TRIO: variants seen among roughly 807,000 people sequenced by gnomAD.
TRIO encodes the protein trio Rho guanine nucleotide exchange factor, also known as triple functional domain protein.
In TRIO, 58 loss-of-function variants were observed where a neutral mutation model predicts 351.9. The ratio of observed to expected loss-of-function variants is 0.16; its 90% CI spans 0.13 to 0.21. The LOEUF is 0.21. Among genes scored for constraint, TRIO ranks in the 10% least tolerant of loss-of-function variants. The pLI, the probability that TRIO is intolerant of heterozygous loss-of-function variation, is 1.00. For synonymous variants in TRIO, 1,758 were observed against 1,595.7 expected, an observed-to-expected ratio of 1.10 and a Z score of -2.42; for missense variants, 3,201 against 4,027.8, an observed-to-expected ratio of 0.79 and a Z score of 5.56.
intron 1 of TRIO, among the ~76,000 whole-genome samples, chr5:14,196,027 A>G (rs1790748777): frequency 6.6e-6 from 1 of 152,086 alleles, no homozygotes; most frequent in Admixed American, 6.6e-5. Flanking sequence ...GGGTTGTGGG[A>G]TTACTGGTTA....
intron 13 of TRIO, among the ~76,000 whole-genome samples, chr5:14,360,791 C>T (rs184244110): frequency 9.8e-5 from 15 of 152,368 alleles, no homozygotes; most frequent in African/African-American, 3.1e-4. Flanking sequence ...TTGTCTAAGT[C>T]TCCGGCACTG....
intron 1 of TRIO, among the ~76,000 whole-genome samples, chr5:14,184,378 T>A (rs1403273853): frequency 6.6e-6 from 1 of 152,218 alleles, no homozygotes; most frequent in Non-Finnish European, 1.5e-5. Flanking sequence ...AGCCATGGGA[T>A]CACAGCTTCC....
At chr5:14,301,503 A>T (rs1348418850) in intron 7 of TRIO, among the ~76,000 whole-genome samples, 1 of 151,960 alleles carries the variant, frequency 6.6e-6, no homozygotes, top group African/African-American at 2.4e-5. Flanking sequence ...CTCATCTCCT[A>T]AGTGTCAGGC....
intron 25 of TRIO, 135 bp from the exon 26 acceptor site, chr5:14,390,096 A>G (rs977994140): frequency 2.7e-6 from 2 of 736,350 alleles, no homozygotes; most frequent in South Asian, 1.9e-5. Context: ...GAAAGTCACA[A>G]TAACTTACCC....
chr5:14,331,852 G>A (rs1740931442), intron 10 of TRIO, among the ~76,000 whole-genome samples: 1 of 152,172 alleles, frequency 6.6e-6, no homozygotes, highest in Admixed American at 6.5e-5. Flanking sequence ...ATGAATCCAT[G>A]CTAATTGATG....
At chr5:14,234,769 T>C (rs1793668790) in intron 1 of TRIO, among the ~76,000 whole-genome samples, 1 of 152,214 alleles carries the variant, frequency 6.6e-6, no homozygotes, top group African/African-American at 2.4e-5. Flanking sequence ...AATTGCCACG[T>C]CAGATCATTT....
chr5:14,500,254 T>C (rs979424960), intron 53 of TRIO, among the ~76,000 whole-genome samples: 2 of 152,066 alleles, frequency 1.3e-5, no homozygotes, highest in African/African-American at 2.4e-5. Flanking sequence ...CAGGCATCAG[T>C]AATTTTGTGT....
intron 1 of TRIO, among the ~76,000 whole-genome samples, chr5:14,190,071 C>G (rs1048020538): frequency 6.6e-6 from 1 of 151,636 alleles, no homozygotes; most frequent in African/African-American, 2.4e-5. Context: ...TTTTTTTAGT[C>G]AACAGAGCTG....
intron 1 of TRIO, among the ~76,000 whole-genome samples, chr5:14,162,689 C>T (rs763208817): frequency 6.6e-6 from 1 of 152,212 alleles, no homozygotes; most frequent in Admixed American, 6.5e-5. Flanking sequence ...TGATGATAAT[C>T]GTATTCCTTT....
intron 11 of TRIO, among the ~76,000 whole-genome samples, chr5:14,356,261 T>C (rs1468486452): frequency 1.3e-5 from 2 of 152,230 alleles, no homozygotes; most frequent in Non-Finnish European, 2.9e-5. Flanking sequence ...TAAGATTTTC[T>C]GTGTTAAAAA....
intron 21 of TRIO, among the ~76,000 whole-genome samples, chr5:14,385,965 G>A (rs1439290344): frequency 6.6e-6 from 1 of 152,210 alleles, no homozygotes; most frequent in Non-Finnish European, 1.5e-5. Flanking sequence ...GGCCCTTGTG[G>A]CAATGTAAGA....
chr5:14,380,345 C>G (rs942044965), intron 20 of TRIO, among the ~76,000 whole-genome samples: 5 of 150,756 alleles, frequency 3.3e-5, no homozygotes, highest in African/African-American at 9.9e-5. Context: ...CTTCGCTCCT[C>G]GCTCCTCGCT....
intron 1 of TRIO, among the ~76,000 whole-genome samples, chr5:14,148,616 T>G (rs1306973061): frequency 1.3e-5 from 2 of 152,196 alleles, no homozygotes; most frequent in Non-Finnish European, 2.9e-5. Context: ...GTGCATTGTC[T>G]TGACAAAATT....
chr5:14,273,948 T>C (rs191338064), intron 2 of TRIO, among the ~76,000 whole-genome samples: 71 of 152,358 alleles, frequency 4.7e-4, no homozygotes, highest in African/African-American at 1.6e-3. Context: ...GCAACTTGTT[T>C]CATCTATATT....
At chr5:14,183,912 C>T (rs1427219773) in intron 1 of TRIO, 5 of 696,190 alleles carry the variant, frequency 7.2e-6, no homozygotes, top group African/African-American at 1.8e-5. Flanking sequence ...TCGTGGTAAC[C>T]GTTTTTTAAA....
intron 28 of TRIO, among the ~76,000 whole-genome samples, chr5:14,396,012 C>T (rs1028651645): frequency 7.6e-5 from 11 of 145,284 alleles, no homozygotes; most frequent in East Asian, 4.0e-4. Context: ...CGCCATTGCA[C>T]TCCAGCCTGG....
intron 34 of TRIO, among the ~76,000 whole-genome samples, chr5:14,430,424 A>G (rs963206782): frequency 2.6e-5 from 4 of 152,182 alleles, no homozygotes; most frequent in African/African-American, 7.2e-5. Flanking sequence ...GATTCTCCAC[A>G]TAACAAATAA....
In TRIO at chr5:14,197,351, G is replaced by A. The variant is rs561992571; in HGVS notation, c.157+53469G>A. 5.3e-5 allele frequency among the ~76,000 whole-genome samples: 8 copies of A among 152,328 alleles called. No individual in the cohort carries two copies. In the South Asian group the frequency reaches 6.2e-4, roughly 12 times the overall value. On this transcript the variant is annotated intron_variant, in intron 1 of 56. Coordinates refer to ENST00000344204, the MANE Select transcript of TRIO (RefSeq NM_007118.4). ...CTCCGTCCTCAGCCCCAGTCGCAGA[G>A]CCTTTCTCACAGCAGGAGTGCAGGA...
intron 1 of TRIO, among the ~76,000 whole-genome samples, chr5:14,172,246 T>TA (rs1237875610): frequency 6.6e-6 from 1 of 152,226 alleles, no homozygotes; most frequent in Non-Finnish European, 1.5e-5. Context: ...GGCTTAAAAA[T>TA]ACCTCTGTAA....
Sources: allele counts gnomAD v4.1 joint callset (sites outside exome capture counted in the v4.1 genomes callset), GRCh38; gene constraint gnomAD v4.1.1; transcripts MANE v1.5; gene names NCBI Gene and HGNC (gene_info 2026-07-23, HGNC 2026-07-21).